Variants in MAN1A1 observed in about 807,000 individuals in gnomAD.
MAN1A1 encodes the protein mannosyl-oligosaccharide 1,2-alpha-mannosidase IA.
A neutral mutation model predicts 70.8 loss-of-function variants in MAN1A1; 29 were observed. The ratio of observed to expected loss-of-function variants is 0.41; its 90% CI spans 0.31 to 0.56. The LOEUF (loss-of-function observed/expected upper bound fraction) is 0.56. Among genes scored for constraint, MAN1A1 ranks in the 20% least tolerant of loss-of-function variants. The pLI is 0.29. For missense variants in MAN1A1, 747 were observed against 841.3 expected (o/e 0.89, Z 1.39); for synonymous variants, 349 against 330.1 (o/e 1.06, Z -0.62).
At chr6:119,229,663 T>A (rs1029298538) in intron 6 of MAN1A1, among the ~76,000 whole-genome samples, 1 of 152,226 alleles carries the variant, frequency 6.6e-6, no homozygotes, top group Admixed American at 6.5e-5. Flanking sequence ...ACATTTCATT[T>A]TTCATGAACC....
intron 2 of MAN1A1, among the ~76,000 whole-genome samples, chr6:119,309,497 C>T (rs1772643395): frequency 6.6e-6 from 1 of 152,170 alleles, no homozygotes; most frequent in Non-Finnish European, 1.5e-5. Context: ...TAAAAGTTAA[C>T]TACTAACAAG....
chr6:119,257,093 T>C (rs566944250), intron 5 of MAN1A1, among the ~76,000 whole-genome samples: 10 of 152,250 alleles, frequency 6.6e-5, no homozygotes, highest in East Asian at 1.9e-4. Flanking sequence ...GTGACACTTA[T>C]ATAGATGCAG....
At chr6:119,191,938 A>G (rs1773453477) in intron 9 of MAN1A1, among the ~76,000 whole-genome samples, 1 of 152,178 alleles carries the variant, frequency 6.6e-6, no homozygotes, top group Non-Finnish European at 1.5e-5. Context: ...ACTTCTCAAA[A>G]CAGAAATTTA....
At chr6:119,291,575 C>T (rs1772020672) in intron 4 of MAN1A1, among the ~76,000 whole-genome samples, 1 of 151,086 alleles carries the variant, frequency 6.6e-6, no homozygotes, top group African/African-American at 2.4e-5. Flanking sequence ...CATTTGTCTG[C>T]TTTTTCTTCC....
At chr6:119,284,415 GA>G (rs930197104) in intron 5 of MAN1A1, among the ~76,000 whole-genome samples, 61 of 152,250 alleles carry the variant, frequency 4.0e-4, no homozygotes, top group African/African-American at 1.5e-3. Flanking sequence ...CTTAATAAGT[GA>G]AAAACATGGT....
At chr6:119,247,988 T>C (rs1319718113) in intron 6 of MAN1A1, among the ~76,000 whole-genome samples, 1 of 152,218 alleles carries the variant, frequency 6.6e-6, no homozygotes, top group Non-Finnish European at 1.5e-5. Context: ...GTATCATTGA[T>C]GCAAAGTCAC....
rs561834182 is a variant in MAN1A1 at position 119,330,969 on chromosome 6, G to A, written c.603+17494C>T. 5.9e-5 allele frequency among the ~76,000 whole-genome samples: 9 copies of A among 152,284 alleles called. No individual in the cohort carries two copies. In the South Asian group the frequency reaches 1.2e-3, roughly 21 times the overall value. On this transcript the variant is annotated intron_variant, in intron 2 of 12. Transcript: ENST00000368468. ...TACCCCTTTGGGCTCCATGTGGGCA[G>A]TGGTGATAATGGTCTTGTTTACTGT...
intron 5 of MAN1A1, among the ~76,000 whole-genome samples, chr6:119,276,666 C>T (rs902597591): frequency 6.6e-6 from 1 of 152,070 alleles, no homozygotes; most frequent in Admixed American, 6.5e-5. Flanking sequence ...CTATAGTAAC[C>T]ACATCAGAGA....
At chr6:119,349,824 G>A, upstream of MAN1A1, 2 of 902,902 alleles carry the variant, frequency 2.2e-6, no homozygotes, top group Non-Finnish European at 2.6e-6. Context: ...GAGAGTGACG[G>A]CGCGGCCGGG....
At chr6:119,277,489 CA>C (rs925856607) in intron 5 of MAN1A1, among the ~76,000 whole-genome samples, 1 of 152,014 alleles carries the variant, frequency 6.6e-6, no homozygotes, top group African/African-American at 2.4e-5. Flanking sequence ...TTTTATGAAT[CA>C]AATGATAGTT....
intron 5 of MAN1A1, among the ~76,000 whole-genome samples, chr6:119,249,712 ACT>A (rs1236287963): frequency 6.6e-6 from 1 of 152,178 alleles, no homozygotes; most frequent in African/African-American, 2.4e-5. Flanking sequence ...GAGCCTCTCC[ACT>A]GAGACATCCA....
intron 2 of MAN1A1, among the ~76,000 whole-genome samples, chr6:119,344,986 C>A (rs565878152): frequency 6.6e-6 from 1 of 152,102 alleles, no homozygotes; most frequent in Non-Finnish European, 1.5e-5. Flanking sequence ...TGCACATACC[C>A]CTAACCCCCA....
intron 6 of MAN1A1, among the ~76,000 whole-genome samples, chr6:119,211,450 GA>G (rs1017428777): frequency 6.6e-6 from 1 of 152,198 alleles, no homozygotes; most frequent in African/African-American, 2.4e-5. Context: ...GCAGTGCCAA[GA>G]AAACAGCAGT....
At chr6:119,298,837 C>A (rs1342046885) in intron 4 of MAN1A1, among the ~76,000 whole-genome samples, 1 of 151,940 alleles carries the variant, frequency 6.6e-6, no homozygotes, top group African/African-American at 2.4e-5. Context: ...ACCTCATGAT[C>A]CACCCGCCTC....
At chr6:119,193,702 AT>A (rs553762956) in intron 9 of MAN1A1, 74 bp downstream of exon 9, 666 of 944,138 alleles carry the variant, frequency 7.1e-4, no homozygotes, top group Non-Finnish European at 1.0e-3. Flanking sequence ...TATACCACTT[AT>A]TCATTAAAAC....
intron 7 of MAN1A1, among the ~76,000 whole-genome samples, chr6:119,203,472 C>T (rs79402226): frequency 0.047 from 7,121 of 151,990 alleles, 554 homozygotes; most frequent in African/African-American, 0.16. Flanking sequence ...GGGCCCAGGT[C>T]ACCCAGGCCC....
intron 2 of MAN1A1, among the ~76,000 whole-genome samples, chr6:119,322,542 C>G (rs1248318320): frequency 6.6e-6 from 1 of 152,132 alleles, no homozygotes; most frequent in East Asian, 1.9e-4. Context: ...ACTATGTACA[C>G]CGAAACGAGG....
chr6:119,226,457 G>T (rs1444355293), intron 6 of MAN1A1, among the ~76,000 whole-genome samples: 2 of 152,054 alleles, frequency 1.3e-5, no homozygotes, highest in African/African-American at 4.8e-5. Flanking sequence ...CATTATTGTG[G>T]ACAGCAAACA....
At chr6:119,305,629 C>T (rs1772505208) in intron 3 of MAN1A1, among the ~76,000 whole-genome samples, 1 of 152,138 alleles carries the variant, frequency 6.6e-6, no homozygotes, top group Admixed American at 6.6e-5. Flanking sequence ...GCTCTTTCTA[C>T]CTGTTCTTGC....
Sources: allele counts gnomAD v4.1 joint callset (sites outside exome capture counted in the v4.1 genomes callset), GRCh38; gene constraint gnomAD v4.1.1; transcripts MANE v1.5; gene names NCBI Gene and HGNC (gene_info 2026-07-23, HGNC 2026-07-21).